Variants in DCC observed in about 807,000 individuals in gnomAD.
DCC encodes the protein netrin receptor DCC.
Under a neutral mutation model 172.5 loss-of-function variants are expected in DCC, and 58 were observed. The observed-to-expected ratio is 0.34, with a 90% CI of 0.27 to 0.42. The LOEUF (loss-of-function observed/expected upper bound fraction) is 0.42. Ranked by LOEUF, DCC falls within the 10% of genes least tolerant of loss-of-function variation. The probability of loss-of-function intolerance (pLI) is 1.00; values close to 1 mark genes in which losing one functional copy is unlikely to be tolerated. For synonymous variants in DCC, 709 were observed against 644.5 expected, an observed-to-expected ratio of 1.10 and a Z score of -1.52; for missense variants, 1,740 against 1,791.0, an observed-to-expected ratio of 0.97 and a Z score of 0.51.
intron 7 of DCC, among the ~76,000 whole-genome samples, chr18:53,138,464 T>C (rs1191096064): frequency 1.3e-5 from 2 of 152,232 alleles, no homozygotes; most frequent in Non-Finnish European, 2.9e-5. Context: ...GTTACAGATG[T>C]CAGCTTACTT....
intron 1 of DCC, among the ~76,000 whole-genome samples, chr18:52,703,866 T>C (rs753225587): frequency 3.3e-5 from 5 of 152,072 alleles, no homozygotes; most frequent in Non-Finnish European, 7.4e-5. Context: ...TATGCTTAGA[T>C]TGTGGATAGA....
intron 1 of DCC, among the ~76,000 whole-genome samples, chr18:52,457,255 G>A (rs1393739541): frequency 6.6e-6 from 1 of 152,166 alleles, no homozygotes; most frequent in Admixed American, 6.5e-5. Context: ...AATCACAAAC[G>A]AGAGGCATCT....
chr18:52,842,477 G>A (rs368649537), intron 2 of DCC, among the ~76,000 whole-genome samples: 2 of 152,056 alleles, frequency 1.3e-5, no homozygotes, highest in African/African-American at 2.4e-5. Context: ...TTCTATTAAG[G>A]CCCTTAATGG....
intron 5 of DCC, among the ~76,000 whole-genome samples, chr18:52,958,253 CA>C (rs953271104): frequency 2.1e-4 from 32 of 151,680 alleles, no homozygotes; most frequent in African/African-American, 7.7e-4. Flanking sequence ...TTATAATCTG[CA>C]TTTTTTTGTG....
intron 12 of DCC, among the ~76,000 whole-genome samples, chr18:53,276,414 T>A (rs187381072): frequency 6.6e-6 from 1 of 152,334 alleles, no homozygotes; most frequent in Admixed American, 6.5e-5. Flanking sequence ...TCTCATTCCA[T>A]TGTTCTTGCT....
chr18:53,526,533 C>G, intron 27 of DCC, 84 bp from the exon 28 acceptor site: 6 of 1,400,242 alleles, frequency 4.3e-6, no homozygotes, highest in Non-Finnish European at 6.1e-6. Context: ...CAATGCCAAT[C>G]TCCTGGATAT....
intron 5 of DCC, among the ~76,000 whole-genome samples, chr18:52,937,468 T>C (rs1414843797): frequency 1.3e-5 from 2 of 152,140 alleles, no homozygotes; most frequent in Non-Finnish European, 2.9e-5. Flanking sequence ...ATGGACAATT[T>C]ATGCTTATCA....
At chr18:52,416,162 T>C (rs1015335008) in intron 1 of DCC, among the ~76,000 whole-genome samples, 2 of 152,214 alleles carry the variant, frequency 1.3e-5, no homozygotes, top group Non-Finnish European at 2.9e-5. Context: ...GGTTGTTCAG[T>C]TTCCATGTAG....
intron 2 of DCC, among the ~76,000 whole-genome samples, chr18:52,888,308 G>C (rs2039597938): frequency 6.6e-6 from 1 of 152,208 alleles, no homozygotes; most frequent in South Asian, 2.1e-4. Context: ...TTAACAACAA[G>C]GACAAAACAG....
intron 12 of DCC, among the ~76,000 whole-genome samples, chr18:53,242,770 A>G (rs1247564607): frequency 6.6e-6 from 1 of 152,132 alleles, no homozygotes; most frequent in Non-Finnish European, 1.5e-5. Flanking sequence ...ATGTGCCAGT[A>G]TCACATTATC....
At chr18:52,662,714 C>T (rs982591291) in intron 1 of DCC, among the ~76,000 whole-genome samples, 2 of 152,184 alleles carry the variant, frequency 1.3e-5, no homozygotes, top group African/African-American at 2.4e-5. Flanking sequence ...AGAAAATTAA[C>T]ACATTCACAT....
chr18:53,046,192 A>G (rs1416636377), intron 5 of DCC, among the ~76,000 whole-genome samples: 1 of 151,958 alleles, frequency 6.6e-6, no homozygotes, highest in Non-Finnish European at 1.5e-5. Flanking sequence ...AATACATCAT[A>G]GTAAGTGTTG....
chr18:53,526,042 G>C (rs906047685), intron 27 of DCC, among the ~76,000 whole-genome samples: 2 of 152,066 alleles, frequency 1.3e-5, no homozygotes, highest in African/African-American at 2.4e-5. Flanking sequence ...ATGAGCAGCA[G>C]AATGTCTTTT....
At chr18:52,836,988 A>G (rs558634419) in intron 2 of DCC, among the ~76,000 whole-genome samples, 5 of 152,278 alleles carry the variant, frequency 3.3e-5, no homozygotes, top group Admixed American at 1.3e-4. Context: ...CTTGACTTCT[A>G]TGCACCCACT....
At chr18:53,454,051 A>G (rs544933925) in intron 23 of DCC, among the ~76,000 whole-genome samples, 1 of 152,332 alleles carries the variant, frequency 6.6e-6, no homozygotes, top group South Asian at 2.1e-4. Context: ...TAATACAGAA[A>G]AAATTATATT....
rs564618089 is a variant in DCC at position 52,635,529 on chromosome 18, C to A, written c.92-116525C>A. 4.6e-5 allele frequency among the ~76,000 whole-genome samples: 7 copies of A among 152,038 alleles called. No individual in the cohort carries two copies. In the South Asian group the frequency reaches 1.0e-3, roughly 23 times the overall value. On this transcript the variant is annotated intron_variant, in intron 1 of 28. Transcript: ENST00000442544. ...ATATTATTTAAATTAGAAGGAAAAA[C>A]GTATTTTTTTAAAGCAGAGACTTAA...
At chr18:52,578,061 G>A (rs939765863) in intron 1 of DCC, among the ~76,000 whole-genome samples, 1 of 152,076 alleles carries the variant, frequency 6.6e-6, no homozygotes, top group African/African-American at 2.4e-5. Flanking sequence ...CATCCCTCAG[G>A]CTTTATCTCC....
chr18:52,488,902 A>G (rs1283844039), intron 1 of DCC, among the ~76,000 whole-genome samples: 1 of 152,090 alleles, frequency 6.6e-6, no homozygotes, highest in Non-Finnish European at 1.5e-5. Flanking sequence ...CAAATTTGGG[A>G]AGGAGGAGTT....
chr18:52,877,322 AAAG>A (rs1389373176), intron 2 of DCC, among the ~76,000 whole-genome samples: 1 of 152,186 alleles, frequency 6.6e-6, no homozygotes, highest in Non-Finnish European at 1.5e-5. Flanking sequence ...CCTGGAGAAA[AAAG>A]AAAGCAGCCC....
Sources: gnomAD v4.1 joint callset for allele counts (sites outside exome capture counted in the v4.1 genomes callset) on GRCh38, gnomAD v4.1.1 for gene constraint, MANE v1.5 for transcripts, NCBI Gene and HGNC (gene_info 2026-07-23, HGNC 2026-07-21) for gene names.